Variants in MTX2 observed in about 807,000 individuals in gnomAD.
MTX2 encodes the protein metaxin-2.
MTX2 carries 35 observed loss-of-function variants against 42.3 expected under a neutral mutation model. The observed-to-expected ratio is 0.83, with a 90% CI of 0.63 to 1.10. MTX2 has a LOEUF of 1.10. Among genes scored for constraint, MTX2 ranks in the 50% least tolerant of loss-of-function variants. The probability of loss-of-function intolerance (pLI) is 0.00; values close to 1 mark genes in which losing one functional copy is unlikely to be tolerated. For synonymous variants in MTX2, 119 were observed against 100.9 expected, an observed-to-expected ratio of 1.18 and a Z score of -1.08; for missense variants, 307 against 304.1, an observed-to-expected ratio of 1.01 and a Z score of -0.07.
chr2:176,277,231 G>A (rs1692970693), intron 1 of MTX2, among the ~76,000 whole-genome samples: 2 of 152,146 alleles, frequency 1.3e-5, no homozygotes, highest in African/African-American at 4.8e-5. Flanking sequence ...ATTCAGAAGA[G>A]TTCCAGAGGC....
chr2:176,274,721 C>T (rs947125279), intron 1 of MTX2, among the ~76,000 whole-genome samples: 80 of 152,272 alleles, frequency 5.3e-4, no homozygotes, highest in African/African-American at 1.8e-3. Context: ...TGTCTGATCC[C>T]AGGGAGGACT....
At chr2:176,282,511 G>T (rs1693103710) in intron 1 of MTX2, among the ~76,000 whole-genome samples, 1 of 151,600 alleles carries the variant, frequency 6.6e-6, no homozygotes, top group Non-Finnish European at 1.5e-5. Context: ...TTATTTTTTT[G>T]GATCCAATTC....
chr2:176,330,517 G>GT, intron 8 of MTX2, 67 bp from the exon 9 acceptor site: 1 of 1,156,150 alleles, frequency 8.6e-7, no homozygotes, highest in East Asian at 2.4e-5. Context: ...TACAAGTTAC[G>GT]TTTTAGATAC....
chr2:176,281,208 A>G (rs770930713), intron 1 of MTX2, among the ~76,000 whole-genome samples: 2 of 152,054 alleles, frequency 1.3e-5, no homozygotes, highest in African/African-American at 4.8e-5. Context: ...AGATAGGGTT[A>G]CTTATGTATA....
intron 3 of MTX2, among the ~76,000 whole-genome samples, chr2:176,309,765 T>TCC (rs1684252075): frequency 6.6e-6 from 1 of 150,434 alleles, no homozygotes; most frequent in Non-Finnish European, 1.5e-5. Context: ...TGGTAGATCT[T>TCC]CCCCCATCCC....
intron 3 of MTX2, among the ~76,000 whole-genome samples, chr2:176,311,162 C>T (rs1187478965): frequency 6.6e-6 from 1 of 152,140 alleles, no homozygotes; most frequent in Non-Finnish European, 1.5e-5. Flanking sequence ...GGTCCCTCAG[C>T]TGCAGGTCTG....
chr2:176,335,274 C>T (rs550071315), intron 9 of MTX2, among the ~76,000 whole-genome samples: 5 of 151,928 alleles, frequency 3.3e-5, no homozygotes, highest in Admixed American at 1.3e-4. Context: ...GAGTTTGTTA[C>T]GTTCAAATGC....
chr2:176,277,866 C>G (rs1692984584), intron 1 of MTX2, among the ~76,000 whole-genome samples: 1 of 151,756 alleles, frequency 6.6e-6, no homozygotes, highest in African/African-American at 2.4e-5. Context: ...TATGAATAAT[C>G]TTACACAGTT....
intron 1 of MTX2, among the ~76,000 whole-genome samples, chr2:176,288,193 G>A (rs930438686): frequency 8.6e-5 from 13 of 151,834 alleles, no homozygotes; most frequent in African/African-American, 1.5e-4. Context: ...AATTGCTTTC[G>A]AATTTAATAT....
At chr2:176,280,251 A>G (rs1693047737) in intron 1 of MTX2, among the ~76,000 whole-genome samples, 1 of 152,208 alleles carries the variant, frequency 6.6e-6, no homozygotes, top group South Asian at 2.1e-4. Context: ...ATAAAGTGAA[A>G]CTGTAGGGAA....
At chr2:176,271,021 A>T (rs1311929623) in intron 1 of MTX2, among the ~76,000 whole-genome samples, 1 of 151,972 alleles carries the variant, frequency 6.6e-6, no homozygotes, top group Non-Finnish European at 1.5e-5. Context: ...CACTGTGTGC[A>T]TGTGTCCTAA....
At chr2:176,272,336 TG>T (rs903595806) in intron 1 of MTX2, among the ~76,000 whole-genome samples, 7 of 152,148 alleles carry the variant, frequency 4.6e-5, no homozygotes, top group African/African-American at 1.7e-4. Context: ...AAAGTTTTAG[TG>T]ATCTATTGCA....
At position 176,337,588 on chromosome 2, in the gene MTX2, A is replaced by T; in HGVS notation, c.716A>T (p.Tyr239Phe). 6.2e-7 allele frequency: 1 copy of T among 1,613,626 alleles called. No individual in the cohort carries two copies. Among genetic ancestry groups the T allele is most frequent in the Non-Finnish European group, 8.5e-7 (1 of 1,179,686 alleles). ...NDELSEKVKNYSNLLAFCRRI... is the reference protein window; with the variant it reads ...NDELSEKVKNFSNLLAFCRRI... ...GAACTTTCTGAGAAGGTGAAAAACT[A>T]TAGCAACCTCCTTGCTTTCTGTAGG... is the stretch of plus-strand genomic sequence containing the variant. The change falls in exon 10 of 10, where the codon TAT becomes TTT. Residue 239 changes from tyrosine (Y) to phenylalanine (F), a missense_variant. Tyr to Phe is a conservative substitution (Grantham distance 22). Coordinates refer to ENST00000249442, the MANE Select transcript of MTX2 (RefSeq NM_006554.5).
intron 3 of MTX2, among the ~76,000 whole-genome samples, chr2:176,315,018 A>G (rs189459288): frequency 3.3e-5 from 5 of 152,318 alleles, no homozygotes; most frequent in African/African-American, 1.2e-4. Context: ...GTACATTTGT[A>G]GGCTCTTCTG....
chr2:176,313,352 T>C (rs1684360407), intron 3 of MTX2, among the ~76,000 whole-genome samples: 1 of 151,590 alleles, frequency 6.6e-6, no homozygotes, highest in Non-Finnish European at 1.5e-5. Context: ...CTCTCTGATC[T>C]TCTGCTCATT....
chr2:176,290,126 G>A (rs1006731916), intron 1 of MTX2, among the ~76,000 whole-genome samples: 2 of 152,132 alleles, frequency 1.3e-5, no homozygotes, highest in Non-Finnish European at 2.9e-5. Flanking sequence ...TTTAAACTTG[G>A]TTGAGAAAGG....
At chr2:176,304,540 C>A (rs924287358) in intron 3 of MTX2, among the ~76,000 whole-genome samples, 2 of 151,884 alleles carry the variant, frequency 1.3e-5, no homozygotes, top group African/African-American at 4.8e-5. Context: ...ATTTCAATTA[C>A]AGGGTCTGCA....
At chr2:176,309,067 G>A (rs572181108) in intron 3 of MTX2, among the ~76,000 whole-genome samples, 1 of 152,288 alleles carries the variant, frequency 6.6e-6, no homozygotes, top group African/African-American at 2.4e-5. Flanking sequence ...CTTTAAATGT[G>A]TTCCAGAGAT....
chr2:176,318,098 C>G (rs1369099927), intron 3 of MTX2, among the ~76,000 whole-genome samples: 1 of 152,122 alleles, frequency 6.6e-6, no homozygotes, highest in Non-Finnish European at 1.5e-5. Flanking sequence ...GCTTTTGTCT[C>G]CTCTGCTCTT....
Sources: allele counts gnomAD v4.1 joint callset (sites outside exome capture counted in the v4.1 genomes callset), GRCh38; gene constraint gnomAD v4.1.1; transcripts MANE v1.5; gene names NCBI Gene and HGNC (gene_info 2026-07-23, HGNC 2026-07-21).